Variants in PRKAR1A observed in about 807,000 individuals in gnomAD.
The protein encoded by PRKAR1A is protein kinase cAMP-dependent type I regulatory subunit alpha, also known as cAMP-dependent protein kinase type I-alpha regulatory subunit.
Under a neutral mutation model 52.0 loss-of-function variants are expected in PRKAR1A, and 3 were observed. The observed-to-expected ratio is 0.06, with a 90% confidence interval of 0.03 to 0.15. PRKAR1A has a LOEUF of 0.15. Ranked by LOEUF, PRKAR1A falls within the 10% of genes least tolerant of loss-of-function variation. PRKAR1A has a pLI of 1.00. For missense variants in PRKAR1A, 240 were observed against 477.4 expected (o/e 0.50, Z 4.63); for synonymous variants, 188 against 168.4 (o/e 1.12, Z -0.90).
the PRKAR1A span, chr17:68,428,514 T>C: frequency 4.3e-6 from 1 of 235,102 alleles, no homozygotes; most frequent in South Asian, 6.0e-5. Context: ...ATTACAGGTG[T>C]GAGCCGCCAC....
chr17:68,426,153 C>T, the PRKAR1A span: 20 of 1,612,060 alleles, frequency 1.2e-5, no homozygotes, highest in South Asian at 4.4e-5. Flanking sequence ...CTCCTCGCAG[C>T]GCCCCGCCGT....
At chr17:68,536,567 A>G (rs1324816667), downstream of PRKAR1A, 4 of 453,904 alleles carry the variant, frequency 8.8e-6, no homozygotes, top group South Asian at 4.7e-5. Flanking sequence ...ACCTTTCCAC[A>G]TAGCCCCTTT....
chr17:68,467,229 A>G, the PRKAR1A span, among the ~76,000 whole-genome samples: 1 of 152,154 alleles, frequency 6.6e-6, no homozygotes, highest in African/African-American at 2.4e-5. Context: ...GCATACATGT[A>G]CTTATTTGGT....
At chr17:68,421,266 T>C in the PRKAR1A span, 4,881 of 157,232 alleles carry the variant, frequency 0.031, 207 homozygotes, top group South Asian at 0.18. Flanking sequence ...AAAAAATATA[T>C]AAAAACCTCA....
chr17:68,447,595 T>C, the PRKAR1A span, among the ~76,000 whole-genome samples: 2 of 151,960 alleles, frequency 1.3e-5, no homozygotes, highest in Admixed American at 6.6e-5. Flanking sequence ...CTCGTTACAT[T>C]GCCCAAGCTG....
the PRKAR1A span, among the ~76,000 whole-genome samples, chr17:68,440,206 C>T: frequency 6.6e-6 from 1 of 152,186 alleles, no homozygotes; most frequent in Non-Finnish European, 1.5e-5. Flanking sequence ...TCCTGCCTTC[C>T]TACCCTTACA....
the PRKAR1A span, chr17:68,429,001 G>T: frequency 2.4e-6 from 3 of 1,248,752 alleles, no homozygotes; most frequent in South Asian, 2.5e-5. Context: ...CGCTTCCAAT[G>T]ACAAAGCCCC....
chr17:68,442,585 G>A, the PRKAR1A span, among the ~76,000 whole-genome samples: 2 of 152,118 alleles, frequency 1.3e-5, no homozygotes, highest in Non-Finnish European at 2.9e-5. Flanking sequence ...GGCATTTACT[G>A]TCCACTCCCC....
chr17:68,525,013 G>A (rs1320703348), intron 6 of PRKAR1A, 55 bp downstream of exon 6: 41 of 1,391,636 alleles, frequency 2.9e-5, no homozygotes, highest in Admixed American at 5.1e-5. Context: ...TGTATTGATC[G>A]CTTCCGAGCA....
chr17:68,549,175 G>T (rs1359476014), intron 11 of PRKAR1A, among the ~76,000 whole-genome samples: 1 of 152,176 alleles, frequency 6.6e-6, no homozygotes, highest in African/African-American at 2.4e-5. Context: ...CTCATCCATT[G>T]CATATTAGCT....
Position 68,528,856 on chromosome 17 carries a change from T to C in PRKAR1A, c.770-14T>C, listed in dbSNP as rs764893634. The C allele has an allele frequency of 1.1e-5, 17 of 1,613,562 alleles. No individual in the cohort carries two copies. The highest frequency in any genetic ancestry group is 1.2e-5 in the Non-Finnish European group (14 of 1,179,476). On this transcript the variant is annotated splice_polypyrimidine_tract_variant and intron_variant, in intron 8 of 10. Coordinates refer to ENST00000589228, the MANE Select transcript of PRKAR1A (RefSeq NM_002734.5). Reference sequence around the variant, plus strand: ...AAATAATACAGAGCAGTTATTTTGATTCTTGTCTTTCAGAGTCTCTGGACA... The same window carrying C: ...AAATAATACAGAGCAGTTATTTTGACTCTTGTCTTTCAGAGTCTCTGGACA...
intron 2 of PRKAR1A, among the ~76,000 whole-genome samples, chr17:68,521,494 G>T (rs73361689): frequency 6.6e-6 from 1 of 152,230 alleles, no homozygotes; most frequent in African/African-American, 2.4e-5. Context: ...GCCTCCCAAA[G>T]GGTTGTGATT....
the PRKAR1A span, among the ~76,000 whole-genome samples, chr17:68,494,966 T>C: frequency 3.3e-5 from 5 of 152,294 alleles, no homozygotes; most frequent in Admixed American, 3.3e-4. Context: ...ACAAAGAAAG[T>C]CTTCTTAGCA....
intron 11 of PRKAR1A, among the ~76,000 whole-genome samples, chr17:68,548,056 G>A (rs2143601226): frequency 6.6e-6 from 1 of 152,258 alleles, no homozygotes; most frequent in Non-Finnish European, 1.5e-5. Flanking sequence ...GGAGGCCTGA[G>A]GACTGGGAGA....
chr17:68,435,393 A>G, the PRKAR1A span, among the ~76,000 whole-genome samples: 4 of 152,232 alleles, frequency 2.6e-5, no homozygotes, highest in South Asian at 2.1e-4. Flanking sequence ...GTTTTCATGC[A>G]AAGTGTCTTG....
At chr17:68,486,565 CTTTCT>C in the PRKAR1A span, among the ~76,000 whole-genome samples, 1 of 129,660 alleles carries the variant, frequency 7.7e-6, no homozygotes, top group African/African-American at 2.9e-5. Flanking sequence ...TTCTTTCTTT[CTTTCT>C]TCTTTCCTTC....
At chr17:68,528,628 C>T (rs2085866018) in intron 8 of PRKAR1A, 2 of 544,628 alleles carry the variant, frequency 3.7e-6, no homozygotes, top group African/African-American at 1.9e-5. Flanking sequence ...CCATTTGGTA[C>T]AGTTGGTATA....
In PRKAR1A at chr17:68,531,745, G is replaced by T; in HGVS notation, c.*1296G>T. The T allele has an allele frequency of 9.5e-7, 1 of 1,049,842 alleles. No homozygotes were observed. The highest frequency in any genetic ancestry group is 1.2e-6 in the Non-Finnish European group (1 of 864,890). The allele number at this position is 1,049,842 out of a possible 1,614,324, so 65.0% of individuals were successfully genotyped here. A position where few individuals can be genotyped will look rare whatever the true frequency, so the allele number is the denominator to read the frequency against. On this transcript the variant is annotated 3_prime_UTR_variant, in exon 11 of 11. Transcript: ENST00000589228. ...TTTTTAAAGTAAACTTGTGTATTGA[G>T]TCTTAACTGTATTTCAGTATTTTCC...
At chr17:68,470,213 C>G in the PRKAR1A span, among the ~76,000 whole-genome samples, 1 of 151,928 alleles carries the variant, frequency 6.6e-6, no homozygotes, top group African/African-American at 2.4e-5. Context: ...CTCCTAATAG[C>G]TGGGATTACA....
Sources: allele counts gnomAD v4.1 joint callset (sites outside exome capture counted in the v4.1 genomes callset), GRCh38; gene constraint gnomAD v4.1.1; transcripts MANE v1.5; gene names NCBI Gene and HGNC (gene_info 2026-07-23, HGNC 2026-07-21).